RAP1GAP: variants seen among roughly 807,000 people sequenced by gnomAD.
The protein encoded by RAP1GAP is rap1 GTPase-activating protein 1.
In RAP1GAP, 35 loss-of-function variants were observed where a neutral mutation model predicts 87.2. That is an observed-to-expected ratio of 0.40 (90% confidence interval 0.31 to 0.53). The LOEUF (loss-of-function observed/expected upper bound fraction) is 0.53, where lower values mean the gene tolerates loss of function less well. Among genes scored for constraint, RAP1GAP ranks in the 20% least tolerant of loss-of-function variants. RAP1GAP has a pLI of 0.48. For missense variants in RAP1GAP, 734 were observed against 898.9 expected (o/e 0.82, Z 2.35); for synonymous variants, 375 against 363.9 (o/e 1.03, Z -0.35).
At chr1:21,628,082 G>A (rs915532054) in intron 2 of RAP1GAP, among the ~76,000 whole-genome samples, 4 of 152,122 alleles carry the variant, frequency 2.6e-5, no homozygotes, top group African/African-American at 9.7e-5. Flanking sequence ...GTAAACTCTG[G>A]CTCCCCAAGT....
chr1:21,619,227 C>T (rs1259468277), intron 4 of RAP1GAP, among the ~76,000 whole-genome samples, 155 bp from the exon 5 acceptor site: 1 of 152,194 alleles, frequency 6.6e-6, no homozygotes, highest in Non-Finnish European at 1.5e-5. Flanking sequence ...GGCCCTGGGC[C>T]TGTCTGAAGG....
chr1:21,632,725 C>A (rs1571039133), intron 2 of RAP1GAP, among the ~76,000 whole-genome samples: 2 of 151,886 alleles, frequency 1.3e-5, no homozygotes, highest in African/African-American at 4.8e-5. Flanking sequence ...CAAAGTGAGC[C>A]CTCATCTTTA....
At chr1:21,641,691 T>C (rs866043741) in intron 2 of RAP1GAP, among the ~76,000 whole-genome samples, 4 of 152,176 alleles carry the variant, frequency 2.6e-5, no homozygotes, top group African/African-American at 4.8e-5. Flanking sequence ...GAGGTGAACA[T>C]TGCCCGTTTG....
intron 2 of RAP1GAP, among the ~76,000 whole-genome samples, chr1:21,629,526 C>A (rs532140709): frequency 4.4e-4 from 67 of 152,302 alleles, no homozygotes; most frequent in African/African-American, 1.5e-3. Flanking sequence ...TCCTGGCTGG[C>A]CACAGTCCTG....
At chr1:21,642,403 A>T (rs991975741) in intron 2 of RAP1GAP, among the ~76,000 whole-genome samples, 2 of 152,052 alleles carry the variant, frequency 1.3e-5, no homozygotes, top group African/African-American at 4.8e-5. Flanking sequence ...CCCCCCACCA[A>T]TCTTCCAGGT....
Position 21,603,743 on chromosome 1 carries a change from G to T in RAP1GAP, c.1429-830C>A. On this transcript the variant is annotated intron_variant, in intron 18 of 24. Transcript: ENST00000374765. The surrounding 1 kb of genome is among the most constrained non-coding windows in gnomAD (Gnocchi z 6.0). ...TGGGGCCTGTCCCGGGGGCAGAGGGGCAACGTCCCCAATATGGCCTCCGTC... is the reference window on the plus strand; with the variant it reads ...TGGGGCCTGTCCCGGGGGCAGAGGGTCAACGTCCCCAATATGGCCTCCGTC... The T allele has an allele frequency of 2.1e-6, 3 of 1,395,806 alleles. No individual in the cohort carries two copies. The highest frequency in any genetic ancestry group is 3.0e-6 in the Non-Finnish European group (3 of 984,922). The allele number at this position is 1,395,806 out of a possible 1,614,324, so 86.5% of individuals were successfully genotyped here.
chr1:21,664,424 A>T (rs751550193), intron 1 of RAP1GAP, among the ~76,000 whole-genome samples: 35 of 152,080 alleles, frequency 2.3e-4, no homozygotes, highest in Non-Finnish European at 4.6e-4. Context: ...CTGCCATTCA[A>T]GGCCCTTAAT....
intron 4 of RAP1GAP, among the ~76,000 whole-genome samples, chr1:21,619,376 A>C (rs860480): frequency 8.6e-5 from 13 of 150,718 alleles, no homozygotes; most frequent in African/African-American, 3.2e-4. Flanking sequence ...GGGTGGGGGG[A>C]CTGTTATCTA....
In RAP1GAP at chr1:21,615,430, C is replaced by T. The variant is rs1202055278; in HGVS notation, c.292-1341G>A. On this transcript the variant is annotated intron_variant, in intron 7 of 24. Transcript: ENST00000374765. The surrounding 1 kb of genome is among the most constrained non-coding windows in gnomAD (Gnocchi z 4.5). ...TTTTTGAGATGGAGTCTTGCTCTGTCGCCCAGGCTGGAGTACAGTGGCACC... is the reference window on the plus strand; with the variant it reads ...TTTTTGAGATGGAGTCTTGCTCTGTTGCCCAGGCTGGAGTACAGTGGCACC... Among the ~76,000 whole-genome samples the T allele has an allele frequency of 1.3e-5, 2 of 151,802 alleles. No homozygotes were observed. Among genetic ancestry groups the T allele is most frequent in the East Asian group, 1.9e-4 (1 of 5,150 alleles).
intron 12 of RAP1GAP, 34 bp downstream of exon 12, chr1:21,611,682 G>T: frequency 1.9e-6 from 3 of 1,612,306 alleles, no homozygotes; most frequent in Non-Finnish European, 2.5e-6. Flanking sequence ...GCACAAGTCA[G>T]ATTACACTCT....
At chr1:21,628,098 T>A (rs2092792480) in intron 2 of RAP1GAP, among the ~76,000 whole-genome samples, 1 of 152,192 alleles carries the variant, frequency 6.6e-6, no homozygotes, top group South Asian at 2.1e-4. Context: ...CAAGTTTCAC[T>A]ATTTGTTGAA....
intron 19 of RAP1GAP, among the ~76,000 whole-genome samples, chr1:21,602,280 A>T (rs1449295645): frequency 1.3e-5 from 2 of 152,138 alleles, no homozygotes; most frequent in Admixed American, 6.5e-5. Context: ...CCAGGTTGGG[A>T]CAGTAAGGCT....
intron 1 of RAP1GAP, among the ~76,000 whole-genome samples, chr1:21,656,195 G>A (rs996531599): frequency 2.0e-5 from 3 of 152,124 alleles, no homozygotes; most frequent in African/African-American, 7.2e-5. Flanking sequence ...CATTTTGGGA[G>A]GCTGAGGCAG....
intron 2 of RAP1GAP, among the ~76,000 whole-genome samples, chr1:21,641,298 G>T (rs1404023662): frequency 6.6e-6 from 1 of 152,162 alleles, no homozygotes; most frequent in African/African-American, 2.4e-5. Flanking sequence ...GTTGCCAGGA[G>T]ATGATCTGGA....
At chr1:21,611,967 T>C (rs1328483771) in intron 11 of RAP1GAP, 59 bp downstream of exon 11, 6 of 1,482,880 alleles carry the variant, frequency 4.0e-6, no homozygotes, top group Non-Finnish European at 5.6e-6. Flanking sequence ...CTGGAAAAGG[T>C]GTGAGGCTCC....
rs2076491102 is a variant in RAP1GAP, at chr1:21,608,923, T to C, written c.1085A>G (p.Gln362Arg). The C allele has an allele frequency of 6.2e-7, 1 of 1,613,856 alleles. No individual in the cohort carries two copies. Among genetic ancestry groups the C allele is most frequent in the Non-Finnish European group, 8.5e-7 (1 of 1,179,740 alleles). ...PAVFRKGPEFQEFLLTKLINA... is the reference protein window; with the variant it reads ...PAVFRKGPEFREFLLTKLINA... ...GATCAGCTTTGTCAGCAAAAATTCC[T>C]GGAACTCAGGCCCCTGGAAACTCCC... The change falls in exon 16 of 25, where the codon CAG becomes CGG. Residue 362 changes from glutamine (Q) to arginine (R), a missense_variant. Physicochemically the swap from Gln to Arg is conservative, Grantham distance 43. Around this residue, in one of 2 missense-constraint regions of RAP1GAP, gnomAD observed 485 missense variants for 646.2 expected, o/e 0.75. Transcript: ENST00000374765.
chr1:21,598,077 G>GC lies in RAP1GAP; in HGVS notation c.1880-14dup. The GC allele has an allele frequency of 7.4e-7, 1 of 1,354,544 alleles. No individual in the cohort carries two copies. The highest frequency in any genetic ancestry group is 1.0e-6 in the Non-Finnish European group (1 of 982,018). 83.9% of individuals were successfully genotyped at this position (1,354,544 alleles called of 1,614,324 possible). ...GATCGAGAGGGGCCTGGGGAGGGGGGCAGGAGGGAGCCACCTCACTGGCCG... is the reference window on the plus strand; with the variant it reads ...GATCGAGAGGGGCCTGGGGAGGGGGGCCAGGAGGGAGCCACCTCACTGGCCG... On this transcript the variant is annotated splice_polypyrimidine_tract_variant and intron_variant, in intron 22 of 24. Coordinates refer to ENST00000374765, the MANE Select transcript of RAP1GAP (RefSeq NM_002885.4).
chr1:21,652,584 GCCCC>G (rs1303319565), intron 1 of RAP1GAP, among the ~76,000 whole-genome samples: 2 of 151,976 alleles, frequency 1.3e-5, no homozygotes, highest in Non-Finnish European at 2.9e-5. Flanking sequence ...GAGTGGAGAC[GCCCC>G]CCTCCACTCC....
chr1:21,668,742 T>A lies in RAP1GAP; in HGVS notation c.-149+512A>T, dbSNP rs1374971925. On this transcript the variant is annotated intron_variant, in intron 1 of 24. Transcript: ENST00000374765. This position sits in a 1 kb window ranked among gnomAD's most constrained non-coding sequence, Gnocchi z 6.2. The stretch of plus-strand genomic sequence containing the variant: ...GGGACAGGGGAATGCGTCCTGTCTC[T>A]GGGGATGCAAGGACATCACCGCCCT... 3 of 152,232 alleles carry A rather than the reference T, an allele frequency of 2.0e-5. No individual in the cohort carries two copies. The highest frequency in any genetic ancestry group is 4.4e-5 in the Non-Finnish European group (3 of 68,116). 9.4% of individuals were successfully genotyped at this position (152,232 alleles called of 1,614,324 possible). A position where few individuals can be genotyped will look rare whatever the true frequency, so the allele number is the denominator to read the frequency against.
Sources: gnomAD v4.1 joint callset for allele counts (sites outside exome capture counted in the v4.1 genomes callset) on GRCh38, gnomAD v4.1.1 for gene constraint, gnomAD v4.1.1 regional missense constraint, Gnocchi (gnomAD v3.1) non-coding constraint, MANE v1.5 for transcripts, NCBI Gene and HGNC (gene_info 2026-07-23, HGNC 2026-07-21) for gene names.